PRRX2: variants seen among roughly 807,000 people sequenced by gnomAD.
The protein encoded by PRRX2 is paired mesoderm homeobox protein 2.
In PRRX2, 11 loss-of-function variants were observed where a neutral mutation model predicts 18.0. The ratio of observed to expected loss-of-function variants is 0.61; its 90% CI spans 0.39 to 1.01. PRRX2 has a LOEUF of 1.01. PRRX2 is among the 50% of genes least tolerant of loss of function. The pLI is 0.01. For synonymous variants in PRRX2, 177 were observed against 154.8 expected (o/e 1.14, Z -1.06); for missense variants, 387 against 351.0 (o/e 1.10, Z -0.82).
At chr9:129,677,178 G>A (rs13294648) in intron 1 of PRRX2, among the ~76,000 whole-genome samples, 6,395 of 152,304 alleles carry the variant, frequency 0.042, 157 homozygotes, top group African/African-American at 0.073. Flanking sequence ...TCTCAGCACA[G>A]AGCGCCCCCA....
In PRRX2 at chr9:129,722,654, C is replaced by A; in HGVS notation, c.*302C>A. 3.8e-6 allele frequency: 1 copy of A among 261,212 alleles called. No homozygotes were observed. The allele number at this position is 261,212 out of a possible 1,614,324, so 16.2% of individuals were successfully genotyped here. On this transcript the variant is annotated 3_prime_UTR_variant, in exon 4 of 4. Transcript: ENST00000372469. ...AAGCTTTTGTCTTTAAGAAATAAAA[C>A]CATTTTTTTAAGCCCCAAAAGGTTG...
chr9:129,717,715 GAAAAAGA>G (rs1832730026), intron 1 of PRRX2, among the ~76,000 whole-genome samples: 1 of 138,332 alleles, frequency 7.2e-6, no homozygotes, highest in Non-Finnish European at 1.6e-5. Context: ...AAAAAAAAAA[GAAAAAGA>G]AAAAAGAAAG....
At position 129,671,289 on chromosome 9, in the gene PRRX2, C is replaced by G. The variant is rs1408504910; in HGVS notation, c.259+5163C>G. ...GTTTGGGAACTGCTGGGCCTCCCAG[C>G]GTGGCTAGGGCGGGACAGTGGCCTG... On this transcript the variant is annotated intron_variant, in intron 1 of 3. Coordinates refer to ENST00000372469, the MANE Select transcript of PRRX2 (RefSeq NM_016307.4). The surrounding 1 kb of genome is among the most constrained non-coding windows in gnomAD (Gnocchi z 4.0). 6.6e-6 allele frequency among the ~76,000 whole-genome samples: 1 copy of G among 152,154 alleles called. No homozygotes were observed. Among genetic ancestry groups the G allele is most frequent in the Non-Finnish European group, 1.5e-5 (1 of 68,028 alleles).
chr9:129,701,215 G>A (rs185296639), intron 1 of PRRX2, among the ~76,000 whole-genome samples: 1 of 152,222 alleles, frequency 6.6e-6, no homozygotes, highest in Non-Finnish European at 1.5e-5. Flanking sequence ...CAGAGCAGAG[G>A]GTTTAGGATG....
At chr9:129,682,157 C>A (rs1832240235) in intron 1 of PRRX2, among the ~76,000 whole-genome samples, 1 of 152,090 alleles carries the variant, frequency 6.6e-6, no homozygotes, top group Admixed American at 6.5e-5. Flanking sequence ...CACATGGATC[C>A]CACCTGGCTC....
At position 129,695,026 on chromosome 9, in the gene PRRX2, CAG is replaced by C. The variant is rs1171393137; in HGVS notation, c.260-24202_260-24201del. On this transcript the variant is annotated intron_variant, in intron 1 of 3. Transcript: ENST00000372469. This position sits in a 1 kb window ranked among gnomAD's most constrained non-coding sequence, Gnocchi z 4.8. ...GAATGGGGCGAGCTGCAGGCTGGCTCAGAGGGGTCTGGGGGCAGGGTCCCAGT... is the reference window on the plus strand; with the variant it reads ...GAATGGGGCGAGCTGCAGGCTGGCTCAGGGGTCTGGGGGCAGGGTCCCAGT... Among the ~76,000 whole-genome samples the C allele has an allele frequency of 2.6e-5, 4 of 152,242 alleles. No homozygotes were observed. The highest frequency in any genetic ancestry group is 2.6e-4 in the Admixed American group (4 of 15,284).
chr9:129,683,418 C>G (rs534929272), intron 1 of PRRX2, among the ~76,000 whole-genome samples: 6 of 152,292 alleles, frequency 3.9e-5, no homozygotes, highest in African/African-American at 9.6e-5. Context: ...CAGCCCTTAT[C>G]GAGCTTACAG....
rs533527476 is a variant in PRRX2 at position 129,680,346 on chromosome 9, C to A, written c.259+14220C>A. Among the ~76,000 whole-genome samples the A allele has an allele frequency of 3.2e-3, 463 of 145,208 alleles. 3 individuals are homozygous for A. Among genetic ancestry groups the A allele is most frequent in the South Asian group, 5.7e-3 (26 of 4,584 alleles). ...AACCTGGGAGGCGGAGGTTGCAGTG[C>A]GCTGAGATCATGCCACTGCACTCCA... On this transcript the variant is annotated intron_variant, in intron 1 of 3. Transcript: ENST00000372469.
At chr9:129,706,435 C>T (rs533092445) in intron 1 of PRRX2, among the ~76,000 whole-genome samples, 2 of 152,052 alleles carry the variant, frequency 1.3e-5, no homozygotes, top group African/African-American at 2.4e-5. Flanking sequence ...TGGTGGCATG[C>T]GCCTGTAATC....
intron 1 of PRRX2, among the ~76,000 whole-genome samples, chr9:129,676,124 CCTT>C (rs1188998047): frequency 6.6e-6 from 1 of 152,142 alleles, no homozygotes; most frequent in Non-Finnish European, 1.5e-5. Context: ...CTGGGAGCCT[CCTT>C]CTCCTTCTGT....
intron 1 of PRRX2, among the ~76,000 whole-genome samples, chr9:129,684,458 A>ACACACACACC (rs375037713): frequency 1.1e-4 from 13 of 118,610 alleles, no homozygotes; most frequent in African/African-American, 3.2e-4. Flanking sequence ...ACACACACAC[A>ACACACACACC]CCCAACAGAA....
At chr9:129,721,967 A>G (rs938350832) in intron 3 of PRRX2, among the ~76,000 whole-genome samples, 1 of 152,130 alleles carries the variant, frequency 6.6e-6, no homozygotes, top group Non-Finnish European at 1.5e-5. Context: ...GGAGGGGGGC[A>G]TGGACCAACC....
At chr9:129,687,960 A>G (rs1832315823) in intron 1 of PRRX2, among the ~76,000 whole-genome samples, 1 of 152,200 alleles carries the variant, frequency 6.6e-6, no homozygotes, top group Non-Finnish European at 1.5e-5. Flanking sequence ...CAGTGGTGCA[A>G]TCACTGCTCA....
intron 3 of PRRX2, 116 bp from the exon 4 acceptor site, chr9:129,722,101 A>C (rs1278423879): frequency 1.4e-6 from 2 of 1,417,610 alleles, no homozygotes; most frequent in East Asian, 2.3e-5. Flanking sequence ...TCCTGGGTGA[A>C]GGCTGCCCAG....
chr9:129,699,356 G>A lies in PRRX2; in HGVS notation c.260-19875G>A, dbSNP rs567591090. ...GGAGAAACACTTAAACCCAGGAGGTGGAAGTTGCAGTGAGCCGAGATCACG... is the reference window on the plus strand; with the variant it reads ...GGAGAAACACTTAAACCCAGGAGGTAGAAGTTGCAGTGAGCCGAGATCACG... On this transcript the variant is annotated intron_variant, in intron 1 of 3. Transcript: ENST00000372469. 2.9e-4 allele frequency among the ~76,000 whole-genome samples: 44 copies of A among 152,240 alleles called. No individual in the cohort carries two copies. In the South Asian group the frequency reaches 8.9e-3, roughly 31 times the overall value.
intron 1 of PRRX2, among the ~76,000 whole-genome samples, chr9:129,678,103 A>G (rs1407452526): frequency 6.6e-6 from 1 of 151,406 alleles, no homozygotes; most frequent in Non-Finnish European, 1.5e-5. Context: ...AGCTAGAATT[A>G]CAGGCACGTA....
At chr9:129,720,530 C>A in intron 2 of PRRX2, 66 bp from the exon 3 acceptor site, 1 of 1,459,984 alleles carries the variant, frequency 6.8e-7, no homozygotes, top group Non-Finnish European at 9.3e-7. Context: ...CAGGCACACA[C>A]CCAGGTCCAG....
intron 1 of PRRX2, among the ~76,000 whole-genome samples, chr9:129,681,697 C>T (rs573805503): frequency 1.1e-4 from 17 of 152,160 alleles, no homozygotes; most frequent in Admixed American, 1.0e-3. Context: ...CCTCCACCCC[C>T]CAAAACCAGA....
intron 1 of PRRX2, 64 bp from the exon 2 acceptor site, chr9:129,719,167 G>A (rs1476641613): frequency 2.8e-6 from 4 of 1,423,378 alleles, no homozygotes; most frequent in Non-Finnish European, 2.8e-6. Context: ...CAGAGTTGGG[G>A]GCTGAACTGT....
Sources: allele counts gnomAD v4.1 joint callset (sites outside exome capture counted in the v4.1 genomes callset), GRCh38; gene constraint gnomAD v4.1.1; non-coding constraint Gnocchi (gnomAD v3.1); transcripts MANE v1.5; gene names NCBI Gene and HGNC (gene_info 2026-07-23, HGNC 2026-07-21).